The following TANGO6 variants were observed in gnomAD, a reference collection of about 807,000 sequenced individuals.
TANGO6 encodes the protein transport and Golgi organization protein 6 homolog.
A neutral mutation model predicts 114.2 loss-of-function variants in TANGO6; 90 were observed. That is an observed-to-expected ratio of 0.79 (90% CI 0.66 to 0.94). The LOEUF is 0.94. Among genes scored for constraint, TANGO6 ranks in the 40% least tolerant of loss-of-function variants. The pLI, the probability that TANGO6 is intolerant of heterozygous loss-of-function variation, is 0.00. For missense variants in TANGO6, 1,274 were observed against 1,315.3 expected (o/e 0.97, Z 0.49); for synonymous variants, 477 against 509.8 (o/e 0.94, Z 0.87).
At chr16:69,070,218 AAAAAG>A (rs769294935) in intron 17 of TANGO6, among the ~76,000 whole-genome samples, 6 of 151,996 alleles carry the variant, frequency 3.9e-5, no homozygotes, top group African/African-American at 1.5e-4. Context: ...AAAAAAAAAG[AAAAAG>A]AAAAGAAAAG....
intron 1 of TANGO6, among the ~76,000 whole-genome samples, chr16:68,858,355 C>T (rs182388420): frequency 2.5e-4 from 38 of 152,244 alleles, no homozygotes; most frequent in Admixed American, 1.1e-3. Context: ...TGAGCCACCG[C>T]GCCCAGCGGA....
intron 14 of TANGO6, among the ~76,000 whole-genome samples, chr16:68,952,089 A>G (rs1229783151): frequency 6.6e-6 from 1 of 152,200 alleles, no homozygotes; most frequent in Non-Finnish European, 1.5e-5. Flanking sequence ...AGAAGGCAAC[A>G]TGAGATACCT....
Position 68,860,321 on chromosome 16 carries a change from G to A in TANGO6, c.532G>A (p.Val178Ile), listed in dbSNP as rs181496608. The A allele has an allele frequency of 7.3e-5, 118 of 1,613,978 alleles. No homozygotes were observed. The highest frequency in any genetic ancestry group is 2.7e-4 in the East Asian group (12 of 44,886). ...PLRYRTEFGA[V>I]VQDVVCFDAA... is the part of the protein sequence containing the mutation. ...GAGATATAGAACTGAATTTGGTGCC[G>A]TCGTTCAAGACGTGGTGTGTTTTGA... Residue 178 changes from valine to isoleucine, a missense_variant, in exon 2 of 18, where the codon GTC (valine) becomes ATC (isoleucine). Coordinates refer to ENST00000261778, the MANE Select transcript of TANGO6 (RefSeq NM_024562.2).
rs752333249 is a variant in TANGO6, at chr16:69,040,293, C to T, written c.2995-15C>T. ...CTCTGATTCTTATCAACTTCATCTT[C>T]CTTCATCCTCCTAGGTAACAGCTTG... On this transcript the variant is annotated splice_polypyrimidine_tract_variant and intron_variant, in intron 16 of 17. Transcript: ENST00000261778. 2 of 1,585,340 alleles carry T rather than the reference C, an allele frequency of 1.3e-6. No individual in the cohort carries two copies. The highest frequency in any genetic ancestry group is 1.7e-6 in the Non-Finnish European group (2 of 1,164,520).
At chr16:68,846,329 A>G (rs1049316770) in intron 1 of TANGO6, among the ~76,000 whole-genome samples, 1 of 152,026 alleles carries the variant, frequency 6.6e-6, no homozygotes. Flanking sequence ...ACCATGCCCA[A>G]CCTCAAGAAG....
chr16:68,962,615 G>A (rs1215903685), intron 14 of TANGO6, among the ~76,000 whole-genome samples: 3 of 152,090 alleles, frequency 2.0e-5, no homozygotes. Flanking sequence ...TACAAAATTA[G>A]CCAGGCATGG....
intron 16 of TANGO6, among the ~76,000 whole-genome samples, chr16:69,025,313 A>G (rs13336574): frequency 0.12 from 17,779 of 152,246 alleles, 1,111 homozygotes; most frequent in African/African-American, 0.13. Context: ...AACGGCTCTC[A>G]GCAGAGAAGG....
intron 17 of TANGO6, among the ~76,000 whole-genome samples, chr16:69,047,431 G>T (rs572870434): frequency 6.6e-6 from 1 of 151,892 alleles, no homozygotes; most frequent in Non-Finnish European, 1.5e-5. Flanking sequence ...GGAGGCAGAG[G>T]TTGCAGTGAG....
intron 14 of TANGO6, among the ~76,000 whole-genome samples, chr16:68,954,806 T>C (rs16958505): frequency 0.055 from 8,420 of 152,314 alleles, 318 homozygotes; most frequent in Non-Finnish European, 0.077. Context: ...TTTAGGCCAG[T>C]GGGTTTTAAG....
At chr16:68,926,976 T>G (rs1963175121) in intron 12 of TANGO6, 1 of 153,790 alleles carries the variant, frequency 6.5e-6, no homozygotes, top group Admixed American at 6.4e-5. Flanking sequence ...TTCTTAGTAG[T>G]AAGGCATATG....
At chr16:68,993,430 G>A (rs1026566828) in intron 15 of TANGO6, among the ~76,000 whole-genome samples, 5 of 152,176 alleles carry the variant, frequency 3.3e-5, no homozygotes, top group African/African-American at 1.2e-4. Context: ...TGCAAGTTTT[G>A]AAATAGATTT....
chr16:68,930,550 C>G (rs749219786), intron 14 of TANGO6, among the ~76,000 whole-genome samples: 2 of 151,594 alleles, frequency 1.3e-5, no homozygotes, highest in African/African-American at 2.4e-5. Context: ...TAGATTAAAT[C>G]GTATTTCCTC....
chr16:68,892,764 C>G (rs1567533584), intron 7 of TANGO6, among the ~76,000 whole-genome samples: 2 of 152,292 alleles, frequency 1.3e-5, no homozygotes, highest in African/African-American at 4.8e-5. Flanking sequence ...ATCTGCCCGC[C>G]TTGGCCTCCC....
At chr16:68,859,402 C>G (rs1198027137) in intron 1 of TANGO6, among the ~76,000 whole-genome samples, 2 of 152,132 alleles carry the variant, frequency 1.3e-5, no homozygotes, top group African/African-American at 4.8e-5. Context: ...AACTCCTAGG[C>G]TCATGCAACC....
intron 7 of TANGO6, among the ~76,000 whole-genome samples, chr16:68,896,017 C>A (rs1962699159): frequency 1.3e-5 from 2 of 151,506 alleles, no homozygotes; most frequent in South Asian, 4.2e-4. Context: ...ACTCTGTCAC[C>A]CAGGCTGGAG....
In TANGO6 at chr16:68,909,420, T is replaced by G; in HGVS notation, c.1992+18T>G. On this transcript the variant is annotated intron_variant, in intron 11 of 17. Coordinates refer to ENST00000261778, the MANE Select transcript of TANGO6 (RefSeq NM_024562.2). ...TCACTCAGGTCAGTAGTTGCCACAT[T>G]CTGGACCGCAGCCTTTTTTTCTTTC... The G allele has an allele frequency of 1.4e-6, 2 of 1,474,544 alleles. No homozygotes were observed. Among genetic ancestry groups the G allele is most frequent in the South Asian group, 1.4e-5 (1 of 70,402 alleles). 91.3% of individuals were successfully genotyped at this position (1,474,544 alleles called of 1,614,324 possible). A position where few individuals can be genotyped will look rare whatever the true frequency, so the allele number is the denominator to read the frequency against.
intron 17 of TANGO6, among the ~76,000 whole-genome samples, chr16:69,051,297 T>G (rs1381057120): frequency 6.6e-6 from 1 of 152,096 alleles, no homozygotes; most frequent in Admixed American, 6.6e-5. Context: ...TCCCAGCAGT[T>G]TGGGAGACTG....
At chr16:68,934,181 T>C (rs536037636) in intron 14 of TANGO6, among the ~76,000 whole-genome samples, 2 of 152,028 alleles carry the variant, frequency 1.3e-5, no homozygotes, top group East Asian at 1.9e-4. Context: ...TAGCTGGGAC[T>C]ACAGATGCAT....
intron 1 of TANGO6, among the ~76,000 whole-genome samples, chr16:68,854,810 T>A (rs1298884603): frequency 1.3e-5 from 2 of 152,174 alleles, no homozygotes; most frequent in Non-Finnish European, 2.9e-5. Flanking sequence ...CAGTACCACA[T>A]TGTCTTTAAT....
Sources: allele counts gnomAD v4.1 joint callset (sites outside exome capture counted in the v4.1 genomes callset), GRCh38; gene constraint gnomAD v4.1.1; transcripts MANE v1.5; gene names NCBI Gene and HGNC (gene_info 2026-07-23, HGNC 2026-07-21).